Variants in SNED1 observed in about 807,000 individuals in gnomAD.
SNED1 encodes the protein sushi, nidogen and EGF-like domain-containing protein 1.
A neutral mutation model predicts 166.7 loss-of-function variants in SNED1; 81 were observed. That is an observed-to-expected ratio of 0.49 (90% CI 0.41 to 0.58). SNED1 has a LOEUF of 0.58. Ranked by LOEUF, SNED1 falls within the 20% of genes least tolerant of loss-of-function variation. SNED1 has a pLI of 0.00. For synonymous variants in SNED1, 762 were observed against 822.0 expected (o/e 0.93, Z 1.25); for missense variants, 1,604 against 2,000.2 (o/e 0.80, Z 3.78).
chr2:241,084,192 G>A (rs527817408), intron 29 of SNED1, among the ~76,000 whole-genome samples: 3 of 147,892 alleles, frequency 2.0e-5, no homozygotes, highest in Admixed American at 1.4e-4. Flanking sequence ...GCTGGAGTGC[G>A]ATGGTGCGAT....
At chr2:241,006,315 T>G (rs1172959410) in intron 1 of SNED1, among the ~76,000 whole-genome samples, 1 of 152,248 alleles carries the variant, frequency 6.6e-6, no homozygotes, top group Non-Finnish European at 1.5e-5. Flanking sequence ...TTTTCATCTT[T>G]ATAATAATTG....
chr2:241,037,333 G>T lies in SNED1; in HGVS notation c.1025G>T (p.Gly342Val). 6.2e-7 allele frequency: 1 copy of T among 1,609,018 alleles called. No homozygotes were observed. Residue 342 changes from glycine (G) to valine (V), a missense_variant, in exon 6 of 32, where the codon GGG becomes GTG. By Grantham distance (109) the Gly-to-Val change is moderately radical. Around this residue, in one of 2 missense-constraint regions of SNED1, gnomAD observed 1,237 missense variants for 1,620.8 expected, o/e 0.76. Transcript: ENST00000310397. ...CGCTGCCAGTGCCCGGCTGGCTTTG[G>T]GGGACCCACCTGTGAGACAGGTAAG... is the stretch of plus-strand genomic sequence containing the variant. The part of the protein sequence containing the change: ...SFRCQCPAGF[G>V]GPTCETAQSP...
rs771943647 is a variant in SNED1, at chr2:241,073,279, G to A, written c.3831G>A (p.Ser1277=). ...GGCTTCTCCTAGAACCCACAGCCTC[G>A]GCGCAGCTCGAGAACATGGAGGAAG... ...AATVRSQPTA[S]AQLENMEEAP... The change falls in exon 27 of 32, where the codon TCG becomes TCA. Residue 1277 remains serine (S), a synonymous_variant. Coordinates refer to ENST00000310397, the MANE Select transcript of SNED1 (RefSeq NM_001080437.3). The surrounding 1 kb of genome is among the most constrained non-coding windows in gnomAD (Gnocchi z 6.6). 2.1e-5 allele frequency: 33 copies of A among 1,559,336 alleles called. No individual in the cohort carries two copies. The East Asian group carries it at 2.9e-4, about 14-fold the overall frequency.
chr2:240,997,914 G>T (rs1161352035), upstream of SNED1, among the ~76,000 whole-genome samples: 4 of 152,186 alleles, frequency 2.6e-5, no homozygotes, highest in East Asian at 7.7e-4. Context: ...GGCAGGGCTG[G>T]CAGGCCACAG....
rs1213848786 is a variant in SNED1, at chr2:241,093,011, T to C, written c.*1375T>C. On this transcript the variant is annotated 3_prime_UTR_variant, in exon 32 of 32. Coordinates refer to ENST00000310397, the MANE Select transcript of SNED1 (RefSeq NM_001080437.3). The stretch of plus-strand genomic sequence containing the variant: ...CTTCCTTTCCTCTTTCATAAAAATG[T>C]TTTTTGAAGAGTTAGAGTATATTTT... The C allele has an allele frequency of 6.6e-6, 1 of 152,246 alleles. No homozygotes were observed. Among genetic ancestry groups the C allele is most frequent in the Non-Finnish European group, 1.5e-5 (1 of 68,050 alleles). 9.4% of individuals were successfully genotyped at this position (152,246 alleles called of 1,614,324 possible). A position where few individuals can be genotyped will look rare whatever the true frequency, so the allele number is the denominator to read the frequency against.
chr2:240,998,791 C>A lies in SNED1; in HGVS notation c.-47C>A. 2 of 1,021,900 alleles carry A rather than the reference C, an allele frequency of 2.0e-6. No individual in the cohort carries two copies. Among genetic ancestry groups the A allele is most frequent in the South Asian group, 8.0e-5 (2 of 24,954 alleles). The allele number at this position is 1,021,900 out of a possible 1,614,324, so 63.3% of individuals were successfully genotyped here. Reference sequence around the variant, plus strand: ...CACCCCCGCGCGCAGCCTAGTCCCCCAGCGCCCTGCTCCGCCAGCGCCCCG... The same window carrying A: ...CACCCCCGCGCGCAGCCTAGTCCCCAAGCGCCCTGCTCCGCCAGCGCCCCG... On this transcript the variant is annotated 5_prime_UTR_variant, in exon 1 of 32. Coordinates refer to ENST00000310397, the MANE Select transcript of SNED1 (RefSeq NM_001080437.3).
In SNED1 at chr2:241,052,073, C is replaced by T; in HGVS notation, c.1885C>T (p.His629Tyr). ...AGACTCGTGTGCCTCTGGCCCCTGT[C>T]ACAACGGCGGCACCTGCTTCCACTA... is the stretch of plus-strand genomic sequence containing the variant. ...KPDSCASGPC[H>Y]NGGTCFHYIG... The change falls in exon 14 of 32, where the codon CAC (histidine) becomes TAC (tyrosine). Residue 629 changes from histidine (H) to tyrosine (Y), a missense_variant. Around this residue, in one of 2 missense-constraint regions of SNED1, gnomAD observed 1,237 missense variants for 1,620.8 expected, o/e 0.76. Transcript: ENST00000310397. 1 of 1,613,914 alleles carries T rather than the reference C, an allele frequency of 6.2e-7. No individual in the cohort carries two copies.
upstream of SNED1, among the ~76,000 whole-genome samples, chr2:240,998,587 A>C (rs867574806): frequency 5.5e-4 from 83 of 151,848 alleles, no homozygotes; most frequent in African/African-American, 1.7e-3. Context: ...GCCGGGCTGG[A>C]TATTTAAATC....
chr2:241,081,702 C>A lies in SNED1; in HGVS notation c.3942C>A (p.Asn1314Lys), dbSNP rs1325251623. Residue 1314 changes from asparagine to lysine, a missense_variant, in exon 28 of 32, where the codon AAC becomes AAA. Transcript: ENST00000310397. ...ACGTCCCTGGCAACTGTTCAGAAAA[C>A]CCCTGTCAGAACGGAGGCACTTGTG... ...IGNVPGNCSE[N>K]PCQNGGTCVP... 1 of 1,608,160 alleles carries A rather than the reference C, an allele frequency of 6.2e-7. No homozygotes were observed. Among genetic ancestry groups the A allele is most frequent in the Non-Finnish European group, 8.5e-7 (1 of 1,177,262 alleles).
Position 241,036,774 on chromosome 2 carries a change from C to T in SNED1, c.806-16C>T, listed in dbSNP as rs959906062. 1 of 1,605,722 alleles carries T rather than the reference C, an allele frequency of 6.2e-7. No homozygotes were observed. The highest frequency in any genetic ancestry group is 1.3e-5 in the African/African-American group (1 of 74,912). ...GAGGCAGCGGCTGAGGCTCCAGCCC[C>T]TCCCTATGTCTGCAGCGTCCGTGTG... is the stretch of plus-strand genomic sequence containing the variant. On this transcript the variant is annotated splice_polypyrimidine_tract_variant and intron_variant, in intron 4 of 31. Coordinates refer to ENST00000310397, the MANE Select transcript of SNED1 (RefSeq NM_001080437.3).
intron 1 of SNED1, among the ~76,000 whole-genome samples, chr2:241,019,320 A>G (rs775042263): frequency 6.6e-6 from 1 of 152,208 alleles, no homozygotes; most frequent in Non-Finnish European, 1.5e-5. Flanking sequence ...ATCCATCAAT[A>G]CGTGATTAGT....
chr2:241,000,441 G>A (rs1043243584), intron 1 of SNED1, among the ~76,000 whole-genome samples: 1 of 152,224 alleles, frequency 6.6e-6, no homozygotes, highest in Non-Finnish European at 1.5e-5. Flanking sequence ...ACTCCTGGAA[G>A]TACGAAGTGG....
intron 8 of SNED1, among the ~76,000 whole-genome samples, chr2:241,045,199 G>T (rs1286464055): frequency 6.6e-6 from 1 of 152,182 alleles, no homozygotes; most frequent in Non-Finnish European, 1.5e-5. Flanking sequence ...TGGATTAGAA[G>T]ACTCAACGTA....
rs1482381483 is a variant in SNED1 at position 241,071,879 on chromosome 2, G to A, written c.3817+1G>A. ...AGCAAAGCAGCCACCGTGAGATCACGTGAGTGCCAGGGCCTCCCCACCCAC... is the reference window on the plus strand; with the variant it reads ...AGCAAAGCAGCCACCGTGAGATCACATGAGTGCCAGGGCCTCCCCACCCAC... On this transcript the variant is annotated splice_donor_variant, in intron 26 of 31. Coordinates refer to ENST00000310397, the MANE Select transcript of SNED1 (RefSeq NM_001080437.3). LOFTEE classifies it high-confidence loss of function. 21 of 1,597,642 alleles carry A rather than the reference G, an allele frequency of 1.3e-5. No homozygotes were observed. Among genetic ancestry groups the A allele is most frequent in the Non-Finnish European group, 1.6e-5 (19 of 1,172,864 alleles).
At chr2:241,009,815 AGGCGTCCCATGTGTGTTTCCCCG>A in intron 1 of SNED1, among the ~76,000 whole-genome samples, 1 of 125,716 alleles carries the variant, frequency 8.0e-6, no homozygotes, top group African/African-American at 5.7e-5. Context: ...GTTTCCCCGG[AGGCGTCCCATGTGTGTTTCCCCG>A]GAGGCCTAGC....
At chr2:241,040,464 C>A in intron 8 of SNED1, 51 bp downstream of exon 8, 2 of 1,177,336 alleles carry the variant, frequency 1.7e-6, no homozygotes, top group South Asian at 1.4e-5. Flanking sequence ...GGCTTTGTGC[C>A]GTGAACACCC....
chr2:240,997,836 G>C (rs2059962057), upstream of SNED1, among the ~76,000 whole-genome samples: 2 of 152,206 alleles, frequency 1.3e-5, no homozygotes, highest in African/African-American at 4.8e-5. Context: ...GGGACATAGA[G>C]GTGGTCCCGG....
At chr2:241,089,361 C>G (rs745333252) in intron 31 of SNED1, 47 of 1,550,260 alleles carry the variant, frequency 3.0e-5, no homozygotes, top group Non-Finnish European at 3.7e-5. Flanking sequence ...TGTTTTGTTA[C>G]GTGCCTAAAA....
Position 241,048,393 on chromosome 2 carries a change from A to G in SNED1, c.1352A>G (p.Tyr451Cys). Residue 451 changes from tyrosine to cysteine, a missense_variant, in exon 9 of 32, where the codon TAC (tyrosine) becomes TGC (cysteine). This residue lies in a region of SNED1 where 1,237 missense variants were observed against 1,620.8 expected (regional missense o/e 0.76). Coordinates refer to ENST00000310397, the MANE Select transcript of SNED1 (RefSeq NM_001080437.3). ...ACCTGTGTGGATGCGGACCAGGGCT[A>G]CGTGTGCGAGTGCCCCGAAGGCTTC... The part of the protein sequence containing the change: ...GGTCVDADQG[Y>C]VCECPEGFMG... 6.2e-7 allele frequency: 1 copy of G among 1,611,956 alleles called. No homozygotes were observed. The highest frequency in any genetic ancestry group is 8.5e-7 in the Non-Finnish European group (1 of 1,179,204).
Sources: gnomAD v4.1 joint callset for allele counts (sites outside exome capture counted in the v4.1 genomes callset) on GRCh38, gnomAD v4.1.1 for gene constraint, gnomAD v4.1.1 regional missense constraint, Gnocchi (gnomAD v3.1) non-coding constraint, MANE v1.5 for transcripts, NCBI Gene and HGNC (gene_info 2026-07-23, HGNC 2026-07-21) for gene names.